GPATCH8: variants seen among roughly 807,000 people sequenced by gnomAD.
GPATCH8 encodes the protein G-patch domain containing 8, also known as G patch domain-containing protein 8.
A neutral mutation model predicts 118.3 loss-of-function variants in GPATCH8; 18 were observed. The observed-to-expected ratio is 0.15, with a 90% CI of 0.11 to 0.23. The LOEUF is 0.23. Among genes scored for constraint, GPATCH8 ranks in the 10% least tolerant of loss-of-function variants. The pLI, the probability that GPATCH8 is intolerant of heterozygous loss-of-function variation, is 1.00. For synonymous variants in GPATCH8, 659 were observed against 684.7 expected, an observed-to-expected ratio of 0.96 and a Z score of 0.59; for missense variants, 1,631 against 1,873.8, an observed-to-expected ratio of 0.87 and a Z score of 2.39.
At position 44,398,859 on chromosome 17, in the gene GPATCH8, C is replaced by A; in HGVS notation, c.3218G>T (p.Gly1073Val). 6.2e-7 allele frequency: 1 copy of A among 1,613,994 alleles called. No individual in the cohort carries two copies. The highest frequency in any genetic ancestry group is 8.5e-7 in the Non-Finnish European group (1 of 1,179,844). Residue 1073 changes from glycine (G) to valine (V), a missense_variant, in exon 8 of 8, where the codon GGA (glycine) becomes GTA (valine). Coordinates refer to ENST00000591680, the MANE Select transcript of GPATCH8 (RefSeq NM_001002909.4). ...ACTGCAGTCACCTTCTGACCCTCTT[C>A]CTGTGCCAATGTTGCTGTTCTGGGA... The part of the protein sequence containing the change: ...PPSQNSNIGT[G>V]RGSEGDCSPE...
chr17:44,399,992 T>G lies in GPATCH8; in HGVS notation c.2085A>C (p.Thr695=), dbSNP rs369762319. Residue 695 remains threonine, a synonymous_variant, in exon 8 of 8, where the codon ACA becomes ACC. Transcript: ENST00000591680. ...ACTCTGCCTTAGAGCTTTTCTCTTC[T>G]GTGTCAGCCTTGTGTTTACGTTTGT... ...SKHKRKHKAD[T]EEKSSKAESG... 3 of 1,614,146 alleles carry G rather than the reference T, an allele frequency of 1.9e-6. No homozygotes were observed. Among genetic ancestry groups the G allele is most frequent in the East Asian group, 2.2e-5 (1 of 44,880 alleles).
intron 6 of GPATCH8, among the ~76,000 whole-genome samples, chr17:44,419,411 G>T (rs2049809883): frequency 6.6e-6 from 1 of 152,142 alleles, no homozygotes. Flanking sequence ...AAAGAGGAAT[G>T]AAAAATATGT....
At chr17:44,406,994 T>C (rs148404991) in intron 6 of GPATCH8, among the ~76,000 whole-genome samples, 6 of 152,222 alleles carry the variant, frequency 3.9e-5, no homozygotes, top group African/African-American at 1.2e-4. Context: ...ACGAAACATA[T>C]ACATTAACCT....
intron 6 of GPATCH8, among the ~76,000 whole-genome samples, chr17:44,414,145 GTATATATATATGTGTA>G (rs1567955860): frequency 0.013 from 388 of 29,408 alleles, 1 homozygote; most frequent in African/African-American, 0.024. Context: ...ATATATATGT[GTATATATATATGTGTA>G]TATATATATA....
intron 3 of GPATCH8, among the ~76,000 whole-genome samples, chr17:44,439,028 T>C (rs1170107409): frequency 6.6e-6 from 1 of 152,148 alleles, no homozygotes; most frequent in Non-Finnish European, 1.5e-5. Context: ...TTCATTCTCG[T>C]AAATCAGTAT....
At chr17:44,446,232 G>A (rs1433479385) in intron 3 of GPATCH8, among the ~76,000 whole-genome samples, 2 of 152,084 alleles carry the variant, frequency 1.3e-5, no homozygotes, top group African/African-American at 4.8e-5. Flanking sequence ...TTACAGGTGT[G>A]AGTCACCATG....
At chr17:44,440,616 T>C (rs915575427) in intron 3 of GPATCH8, among the ~76,000 whole-genome samples, 1 of 152,164 alleles carries the variant, frequency 6.6e-6, no homozygotes, top group Admixed American at 6.5e-5. Flanking sequence ...ATAATAGAAA[T>C]TCCTAAGTGC....
At chr17:44,436,839 A>C in intron 3 of GPATCH8, 1 of 375,858 alleles carries the variant, frequency 2.7e-6, no homozygotes. Flanking sequence ...GGAGGTTTAA[A>C]TTGTAAAACT....
intron 5 of GPATCH8, among the ~76,000 whole-genome samples, chr17:44,431,378 G>GAAAAAAAAAAAAAAAAAAAAA (rs776468380): frequency 2.1e-5 from 1 of 47,808 alleles, no homozygotes; most frequent in Non-Finnish European, 4.4e-5. Context: ...TCTCAAAAAG[G>GAAAAAAAAAAAAAAAAAAAAA]AAAAAAAAAA....
At chr17:44,425,755 C>T (rs895888101) in intron 5 of GPATCH8, among the ~76,000 whole-genome samples, 1 of 152,150 alleles carries the variant, frequency 6.6e-6, no homozygotes, top group Non-Finnish European at 1.5e-5. Flanking sequence ...TCATGAACTC[C>T]TGGGCTCAAG....
intron 6 of GPATCH8, among the ~76,000 whole-genome samples, chr17:44,417,300 C>A (rs1271460386): frequency 6.6e-6 from 1 of 152,154 alleles, no homozygotes; most frequent in Non-Finnish European, 1.5e-5. Context: ...ACAGTTTAGA[C>A]AAAGTTAACT....
In GPATCH8 at chr17:44,424,421, C is replaced by T. The variant is rs762878349; in HGVS notation, c.420G>A (p.Leu140=). 4 of 1,598,048 alleles carry T rather than the reference C, an allele frequency of 2.5e-6. No individual in the cohort carries two copies. In the African/African-American group the frequency reaches 5.4e-5, roughly 21 times the overall value. Residue 140 remains leucine (L), a synonymous_variant, in exon 6 of 8, where the codon CTG becomes CTA. Transcript: ENST00000591680. ...GATGTTTCTGATATTGCTTATCACA[C>T]AGTTCACAATAAAAGTTGGCTCTGA... The part of the protein sequence containing the change: ...EDLRANFYCE[L]CDKQYQKHQE...
chr17:44,399,958 T>C lies in GPATCH8; in HGVS notation c.2119A>G (p.Lys707Glu), dbSNP rs779037030. 1 of 1,614,092 alleles carries C rather than the reference T, an allele frequency of 6.2e-7. No individual in the cohort carries two copies. Among genetic ancestry groups the C allele is most frequent in the Non-Finnish European group, 8.5e-7 (1 of 1,180,000 alleles). Residue 707 changes from lysine (K) to glutamate (E), a missense_variant, in exon 8 of 8, where the codon AAA becomes GAA. Coordinates refer to ENST00000591680, the MANE Select transcript of GPATCH8 (RefSeq NM_001002909.4). ...TTTCGTTTCTTGCGCTTCTTAGATTTCTCCCCTGACTCTGCCTTAGAGCTT... is the reference window on the plus strand; with the variant it reads ...TTTCGTTTCTTGCGCTTCTTAGATTCCTCCCCTGACTCTGCCTTAGAGCTT... ...EKSSKAESGEKSKKRKKRKRK... is the reference protein window; with the variant it reads ...EKSSKAESGEESKKRKKRKRK...
Position 44,493,717 on chromosome 17 carries a change from G to A in GPATCH8, c.45+9609C>T, listed in dbSNP as rs905698621. On this transcript the variant is annotated intron_variant, in intron 1 of 7. Transcript: ENST00000591680. ...AGCCTGGGCAATGTAACAAAATTCC[G>A]TCTCTTTTATTTAAAAAGGAAAGAA... is the stretch of plus-strand genomic sequence containing the variant. Among the ~76,000 whole-genome samples, 7 of 152,092 alleles carry A rather than the reference G, an allele frequency of 4.6e-5. No homozygotes were observed. The East Asian group carries it at 1.2e-3, about 25-fold the overall frequency.
At chr17:44,502,380 C>G (rs1423526093) in intron 1 of GPATCH8, among the ~76,000 whole-genome samples, 3 of 147,048 alleles carry the variant, frequency 2.0e-5, no homozygotes, top group Admixed American at 6.8e-5. Context: ...TTTTTTGAGA[C>G]TCTACGGATG....
chr17:44,399,825 T>C lies in GPATCH8; in HGVS notation c.2252A>G (p.Gln751Arg). The change falls in exon 8 of 8, where the codon CAA (glutamine) becomes CGA (arginine). Residue 751 changes from glutamine (Q) to arginine (R), a missense_variant. Around this residue, in one of 8 missense-constraint regions of GPATCH8, gnomAD observed 922 missense variants for 879.7 expected, o/e 1.05. Transcript: ENST00000591680. ...GAGGGATCTCCGCTGGGAGTCATCT[T>C]GAGCTCTCCGCCTTCTTCTTGGTGG... ...PAPPRRRRRA[Q>R]DDSQRRSLPA... is the part of the protein sequence containing the mutation. 6.2e-7 allele frequency: 1 copy of C among 1,613,504 alleles called. No homozygotes were observed.
chr17:44,404,316 T>C (rs2049139399), intron 7 of GPATCH8, among the ~76,000 whole-genome samples: 1 of 151,960 alleles, frequency 6.6e-6, no homozygotes, highest in Non-Finnish European at 1.5e-5. Context: ...TTTTAAGATT[T>C]TTTTTTTTTA....
At chr17:44,464,895 TAC>T (rs1310281513) in intron 2 of GPATCH8, 2 of 289,804 alleles carry the variant, frequency 6.9e-6, no homozygotes, top group Non-Finnish European at 1.3e-5. Flanking sequence ...AAGGTACTTA[TAC>T]AGTCATATCC....
intron 1 of GPATCH8, among the ~76,000 whole-genome samples, chr17:44,479,868 G>A (rs750503814): frequency 2.0e-5 from 3 of 151,952 alleles, no homozygotes; most frequent in Non-Finnish European, 2.9e-5. Flanking sequence ...CCAGGAGGCT[G>A]AGGCTGGAGA....
Sources: allele counts gnomAD v4.1 joint callset (sites outside exome capture counted in the v4.1 genomes callset), GRCh38; gene constraint gnomAD v4.1.1; regional missense constraint gnomAD v4.1.1; transcripts MANE v1.5; gene names NCBI Gene and HGNC (gene_info 2026-07-23, HGNC 2026-07-21).